SLC40A1: variants seen among roughly 807,000 people sequenced by gnomAD.
SLC40A1 encodes solute carrier family 40 member 1, also known as ferroportin.
SLC40A1 carries 16 observed loss-of-function variants against 53.5 expected under a neutral mutation model. The ratio of observed to expected loss-of-function variants is 0.30; its 90% CI spans 0.20 to 0.45. The LOEUF (loss-of-function observed/expected upper bound fraction) is 0.45, where lower values mean the gene tolerates loss of function less well. SLC40A1 is among the 20% of genes least tolerant of loss of function. The pLI is 1.00. For missense variants in SLC40A1, 545 were observed against 695.4 expected (o/e 0.78, Z 2.43); for synonymous variants, 247 against 253.2 (o/e 0.98, Z 0.23).
rs1162423391 is a variant in SLC40A1, at chr2:189,580,488, T to G, written c.-28A>C. The G allele has an allele frequency of 6.2e-7, 1 of 1,612,944 alleles. No individual in the cohort carries two copies. The highest frequency in any genetic ancestry group is 1.7e-5 in the Admixed American group (1 of 60,020). On this transcript the variant is annotated 5_prime_UTR_variant, in exon 1 of 8. Coordinates refer to ENST00000261024, the MANE Select transcript of SLC40A1 (RefSeq NM_014585.6). ...CACTAGGCGACCCCGCTGGCTCTTCTGCGGCTGCTATCGCTGCTGCTGCTC... is the reference window on the plus strand; with the variant it reads ...CACTAGGCGACCCCGCTGGCTCTTCGGCGGCTGCTATCGCTGCTGCTGCTC...
chr2:189,565,626 T>C (rs200999024), intron 5 of SLC40A1, 27 bp from the exon 6 acceptor site: 3 of 1,613,660 alleles, frequency 1.9e-6, no homozygotes, highest in Non-Finnish European at 2.5e-6. Context: ...AAGAGGCAGG[T>C]AAGTGTGCAA....
chr2:189,572,385 G>T (rs1574243531), intron 4 of SLC40A1: 1 of 258,348 alleles, frequency 3.9e-6, no homozygotes, highest in Non-Finnish European at 7.5e-6. Flanking sequence ...CAGATGCATG[G>T]TTTATACCAC....
intron 6 of SLC40A1, 27 bp downstream of exon 6, chr2:189,565,327 A>G (rs1574238638): frequency 6.2e-7 from 1 of 1,613,914 alleles, no homozygotes. Flanking sequence ...ATGAGAACAA[A>G]AGGAGAGATC....
At position 189,571,855 on chromosome 2, in the gene SLC40A1, A is replaced by T. The variant is rs569873762; in HGVS notation, c.388-14T>A. On this transcript the variant is annotated splice_polypyrimidine_tract_variant and intron_variant, in intron 4 of 7. Coordinates refer to ENST00000261024, the MANE Select transcript of SLC40A1 (RefSeq NM_014585.6). Reference sequence around the variant, plus strand: ...ATAGCAGGAAGTCTAAAGAATGACAAGAAAAAAATGAGTTATAATGTCAGT... The same window carrying T: ...ATAGCAGGAAGTCTAAAGAATGACATGAAAAAAATGAGTTATAATGTCAGT... 10 of 1,556,264 alleles carry T rather than the reference A, an allele frequency of 6.4e-6. No homozygotes were observed. In the East Asian group the frequency reaches 1.1e-4, roughly 17 times the overall value.
intron 7 of SLC40A1, among the ~76,000 whole-genome samples, chr2:189,562,778 C>CTT (rs952140118): frequency 6.6e-6 from 1 of 152,072 alleles, no homozygotes. Context: ...TGTAAGAAGT[C>CTT]TTTATGTTTC....
rs991777876 is a variant in SLC40A1, at chr2:189,560,730, A to G, written c.*1148T>C. 1.3e-5 allele frequency: 2 copies of G among 152,680 alleles called. No homozygotes were observed. Among genetic ancestry groups the G allele is most frequent in the Non-Finnish European group, 2.9e-5 (2 of 68,048 alleles). The allele number at this position is 152,680 out of a possible 1,614,324, so 9.5% of individuals were successfully genotyped here. The stretch of plus-strand genomic sequence containing the variant: ...GAAAGTGCTCATAGCAACGTATTGC[A>G]GTCTCCATGAAAGTGCATATAAACG... On this transcript the variant is annotated 3_prime_UTR_variant, in exon 8 of 8. Transcript: ENST00000261024.
intron 5 of SLC40A1, 135 bp downstream of exon 5, chr2:189,571,580 A>C: frequency 7.0e-7 from 1 of 1,432,628 alleles, no homozygotes; most frequent in Non-Finnish European, 9.5e-7. Context: ...AAGGTAAGAA[A>C]AAAAGTATGC....
Position 189,563,652 on chromosome 2 carries a change from G to C in SLC40A1, c.1334C>G (p.Thr445Arg). 1 of 1,614,138 alleles carries C rather than the reference G, an allele frequency of 6.2e-7. No individual in the cohort carries two copies. Among genetic ancestry groups the C allele is most frequent in the Non-Finnish European group, 8.5e-7 (1 of 1,179,988 alleles). ...GATTATGGGCACAGATTCAGGACTTGTCTCCGGGACAATATTAGCAGAATT... is the reference window on the plus strand; with the variant it reads ...GATTATGGGCACAGATTCAGGACTTCTCTCCGGGACAATATTAGCAGAATT... ...GSNSANIVPE[T>R]SPESVPIISV... Residue 445 changes from threonine to arginine, a missense_variant, in exon 7 of 8, where the codon ACA becomes AGA. Physicochemically the swap from Thr to Arg is moderately conservative, Grantham distance 71 (BLOSUM62 -1). This residue lies in a region of SLC40A1 where 234 missense variants were observed against 299.0 expected (regional missense o/e 0.78). Transcript: ENST00000261024.
intron 4 of SLC40A1, 29 bp from the exon 5 acceptor site, chr2:189,571,870 A>G: frequency 6.9e-7 from 1 of 1,442,340 alleles, no homozygotes; most frequent in Non-Finnish European, 9.8e-7. Context: ...AAAATGAGTT[A>G]TAATGTCAGT....
rs775509346 is a variant in SLC40A1 at position 189,563,720 on chromosome 2, C to T, written c.1266G>A (p.Lys422=). 1 of 1,614,122 alleles carries T rather than the reference C, an allele frequency of 6.2e-7. No homozygotes were observed. Among genetic ancestry groups the T allele is most frequent in the Non-Finnish European group, 8.5e-7 (1 of 1,180,026 alleles). The part of the protein sequence containing the change: ...FIQGESITPT[K]IPEITTEIYM... The stretch of plus-strand genomic sequence containing the variant: ...ATATTTCAGTTGTAATTTCAGGTAT[C>T]TTGGTAGGTGTAATTGACTCTCCTT... Residue 422 remains lysine (K), a synonymous_variant, in exon 7 of 8, where the codon AAG becomes AAA. Coordinates refer to ENST00000261024, the MANE Select transcript of SLC40A1 (RefSeq NM_014585.6).
Position 189,560,845 on chromosome 2 carries a change from A to G in SLC40A1, c.*1033T>C, listed in dbSNP as rs577606707. On this transcript the variant is annotated 3_prime_UTR_variant, in exon 8 of 8. Coordinates refer to ENST00000261024, the MANE Select transcript of SLC40A1 (RefSeq NM_014585.6). ...AATATATACAAACTTTTTTTCTTCT[A>G]TTCTTCTCAAAGGCATTTGAAAGGG... 1.3e-5 allele frequency: 2 copies of G among 152,554 alleles called. No homozygotes were observed. The highest frequency in any genetic ancestry group is 2.4e-5 in the African/African-American group (1 of 41,448). 9.5% of individuals were successfully genotyped at this position (152,554 alleles called of 1,614,324 possible). A position where few individuals can be genotyped will look rare whatever the true frequency, so the allele number is the denominator to read the frequency against.
intron 7 of SLC40A1, 141 bp downstream of exon 7, chr2:189,563,443 G>A: frequency 1.5e-6 from 1 of 658,080 alleles, no homozygotes; most frequent in Non-Finnish European, 2.5e-6. Context: ...GTATAAATAT[G>A]TAAAATAAAA....
At chr2:189,566,789 G>A (rs1212185850) in intron 5 of SLC40A1, among the ~76,000 whole-genome samples, 2 of 152,188 alleles carry the variant, frequency 1.3e-5, no homozygotes, top group Non-Finnish European at 2.9e-5. Flanking sequence ...GTGAGGATGG[G>A]GGAGGAGGAC....
At chr2:189,570,230 G>C (rs2105626647) in intron 5 of SLC40A1, among the ~76,000 whole-genome samples, 1 of 151,926 alleles carries the variant, frequency 6.6e-6, no homozygotes, top group South Asian at 2.1e-4. Context: ...TCAGTTAAGT[G>C]AAAGAAAATA....
chr2:189,572,621 AT>A (rs1234580282), intron 4 of SLC40A1: 1 of 587,420 alleles, frequency 1.7e-6, no homozygotes, highest in East Asian at 2.8e-5. Flanking sequence ...TAGAAATGCC[AT>A]TAGAAACCAA....
In SLC40A1 at chr2:189,563,695, A is replaced by G; in HGVS notation, c.1291T>C (p.Tyr431His). The change falls in exon 7 of 8, where the codon TAC becomes CAC. Residue 431 changes from tyrosine (Y) to histidine (H), a missense_variant. Physicochemically the swap from Tyr to His is moderately conservative, Grantham distance 83 (BLOSUM62 2). Transcript: ENST00000261024. ...GCAGAATTAGACCCATTAGACATGTATATTTCAGTTGTAATTTCAGGTATC... is the reference window on the plus strand; with the variant it reads ...GCAGAATTAGACCCATTAGACATGTGTATTTCAGTTGTAATTTCAGGTATC... The part of the protein sequence containing the change: ...TKIPEITTEI[Y>H]MSNGSNSANI... 2 of 1,614,204 alleles carry G rather than the reference A, an allele frequency of 1.2e-6. No individual in the cohort carries two copies. The highest frequency in any genetic ancestry group is 1.1e-5 in the South Asian group (1 of 91,092).
intron 7 of SLC40A1, among the ~76,000 whole-genome samples, chr2:189,563,275 C>CA (rs1256387955): frequency 0.016 from 944 of 57,528 alleles, 9 homozygotes; most frequent in African/African-American, 0.041. Context: ...ACCCTGATCT[C>CA]AAAAAAAAAA....
chr2:189,574,377 C>A (rs2031227911), intron 3 of SLC40A1, among the ~76,000 whole-genome samples: 1 of 152,158 alleles, frequency 6.6e-6, no homozygotes, highest in Non-Finnish European at 1.5e-5. Context: ...CTAGTAGCAT[C>A]AAGTCCTAGA....
chr2:189,567,741 T>C (rs994227), intron 5 of SLC40A1, among the ~76,000 whole-genome samples: 33,569 of 152,070 alleles, frequency 0.22, 4,037 homozygotes, highest in Non-Finnish European at 0.26. Flanking sequence ...GAGTATATAT[T>C]GCATATATGA....
Sources: allele counts gnomAD v4.1 joint callset (sites outside exome capture counted in the v4.1 genomes callset), GRCh38; gene constraint gnomAD v4.1.1; regional missense constraint gnomAD v4.1.1; transcripts MANE v1.5; gene names NCBI Gene and HGNC (gene_info 2026-07-23, HGNC 2026-07-21).